DST: variants seen among roughly 807,000 people sequenced by gnomAD.
DST encodes the protein dystonin.
DST carries 253 observed loss-of-function variants against 875.2 expected under a neutral mutation model. That is an observed-to-expected ratio of 0.29 (90% CI 0.26 to 0.32). The LOEUF is 0.32. DST is among the 10% of genes least tolerant of loss of function. The probability of loss-of-function intolerance (pLI) is 1.00; values close to 1 mark genes in which losing one functional copy is unlikely to be tolerated. For synonymous variants in DST, 3,124 were observed against 3,197.1 expected (o/e 0.98, Z 0.77); for missense variants, 8,287 against 9,111.6 (o/e 0.91, Z 3.68).
chr6:56,510,755 A>T (rs2096458864), intron 73 of DST, among the ~76,000 whole-genome samples: 1 of 152,196 alleles, frequency 6.6e-6, no homozygotes. Flanking sequence ...TTGAAAAAAG[A>T]TATTTTCAGA....
intron 47 of DST, among the ~76,000 whole-genome samples, chr6:56,595,742 A>G (rs2098364582): frequency 6.6e-6 from 1 of 151,114 alleles, no homozygotes; most frequent in African/African-American, 2.5e-5. Context: ...TTTCCCACAG[A>G]CTTGTGTTTT....
chr6:56,926,391 A>T (rs2127751588), intron 2 of DST, among the ~76,000 whole-genome samples: 1 of 152,368 alleles, frequency 6.6e-6, no homozygotes, highest in African/African-American at 2.4e-5. Context: ...AGACAGACTT[A>T]TAAGTAAACA....
chr6:56,933,846 G>T, intron 2 of DST, among the ~76,000 whole-genome samples: 1 of 152,084 alleles, frequency 6.6e-6, no homozygotes, highest in East Asian at 1.9e-4. Flanking sequence ...TAAGCAAAAG[G>T]AGTGGAAGAT....
chr6:56,824,254 G>A (rs1034050899), intron 4 of DST, among the ~76,000 whole-genome samples: 16 of 152,324 alleles, frequency 1.1e-4, no homozygotes, highest in African/African-American at 2.4e-5. Flanking sequence ...CGAGTGATCC[G>A]CCAGCCTCGG....
chr6:56,720,944 C>T (rs911206289), intron 5 of DST, among the ~76,000 whole-genome samples: 2 of 152,136 alleles, frequency 1.3e-5, no homozygotes, highest in South Asian at 2.1e-4. Context: ...CAGAGGGGCC[C>T]CCCACCCCCC....
At chr6:56,621,266 T>C (rs1236785548) in intron 36 of DST, among the ~76,000 whole-genome samples, 1 of 152,134 alleles carries the variant, frequency 6.6e-6, no homozygotes, top group East Asian at 1.9e-4. Flanking sequence ...AGCACAGAAC[T>C]TTAGAACAGA....
chr6:56,890,324 G>A (rs529753442), intron 3 of DST, among the ~76,000 whole-genome samples: 1 of 152,318 alleles, frequency 6.6e-6, no homozygotes, highest in East Asian at 1.9e-4. Flanking sequence ...TTCTTATGAT[G>A]ATGATGATGA....
At chr6:56,521,475 T>TAC (rs1368271444) in intron 69 of DST, among the ~76,000 whole-genome samples, 1,293 of 76,756 alleles carry the variant, frequency 0.017, 21 homozygotes, top group African/African-American at 0.053. Context: ...ATGTCTTCCC[T>TAC]ATTTAAAAAA....
intron 2 of DST, among the ~76,000 whole-genome samples, chr6:56,916,778 T>A (rs2817576): frequency 0.074 from 6,784 of 91,222 alleles, 319 homozygotes; most frequent in African/African-American, 0.14. Flanking sequence ...TCTCTCTCTC[T>A]CACACACACA....
At chr6:56,883,126 C>T (rs547776875) in intron 3 of DST, among the ~76,000 whole-genome samples, 1 of 152,326 alleles carries the variant, frequency 6.6e-6, no homozygotes, top group South Asian at 2.1e-4. Flanking sequence ...CCTTGGCCTC[C>T]CAAAGTGCTG....
intron 52 of DST, 138 bp downstream of exon 52, chr6:56,572,609 A>T: frequency 1.6e-6 from 1 of 635,682 alleles, no homozygotes; most frequent in Admixed American, 3.5e-5. Context: ...TGAAATTCTT[A>T]AAGGAGTAAA....
At chr6:56,927,751 A>G (rs771638293) in intron 2 of DST, among the ~76,000 whole-genome samples, 6 of 152,248 alleles carry the variant, frequency 3.9e-5, no homozygotes, top group Admixed American at 1.3e-4. Context: ...TGAGTCATTC[A>G]GGATTGGGTC....
chr6:56,697,586 A>C (rs2099271021), intron 9 of DST, among the ~76,000 whole-genome samples: 1 of 152,172 alleles, frequency 6.6e-6, no homozygotes, highest in Admixed American at 6.5e-5. Flanking sequence ...AGCTCAAAGT[A>C]GTAACATGAC....
chr6:56,616,474 G>A lies in DST; in HGVS notation c.4930-1990C>T, dbSNP rs775558662. On this transcript the variant is annotated intron_variant, in intron 36 of 103. Transcript: ENST00000680361. ...AAATTCTATGTGTTTTCTTGACATT[G>A]AGATTGGAAATGTTCCTCTCCCCAA... 1.9e-6 allele frequency: 3 copies of A among 1,614,028 alleles called. No homozygotes were observed. The highest frequency in any genetic ancestry group is 2.2e-5 in the East Asian group (1 of 44,874).
In DST at chr6:56,630,257, T is replaced by C. The variant is rs546352116; in HGVS notation, c.4269A>G (p.Ile1423Met). ...IADKNNIENLISTLKQWRSEV... is the reference protein window; with the variant it reads ...IADKNNIENLMSTLKQWRSEV... Reference sequence around the variant, plus strand: ...GTGAGTCTCATACCTTTAAAGTACTTATTAGATTCTCAATATTATTCTTGT... The same window carrying C: ...GTGAGTCTCATACCTTTAAAGTACTCATTAGATTCTCAATATTATTCTTGT... The change falls in exon 31 of 104, where the codon ATA becomes ATG. Residue 1423 changes from isoleucine to methionine, a missense_variant. Transcript: ENST00000680361. The C allele has an allele frequency of 4.0e-5, 63 of 1,594,656 alleles. No individual in the cohort carries two copies. The highest frequency in any genetic ancestry group is 3.5e-4 in the Admixed American group (21 of 59,998).
In DST at chr6:56,608,731, T is replaced by C; in HGVS notation, c.5897A>G (p.Asn1966Ser). 1 of 1,610,834 alleles carries C rather than the reference T, an allele frequency of 6.2e-7. No individual in the cohort carries two copies. Among genetic ancestry groups the C allele is most frequent in the Non-Finnish European group, 8.5e-7 (1 of 1,178,408 alleles). Reference protein sequence around the residue: ...GGRITLKCGRNISILRAAHEG... With the variant: ...GGRITLKCGRSISILRAAHEG... ...ATGAGCTGCTCTTAAAATGCTTATG[T>C]TTCTTCCACATTTTAATGTTATTCT... is the stretch of plus-strand genomic sequence containing the variant. The change falls in exon 40 of 104, where the codon AAC becomes AGC. Residue 1966 changes from asparagine (N) to serine (S), a missense_variant. This residue lies in a region of DST where 3,138 missense variants were observed against 3,116.6 expected (regional missense o/e 1.01). Coordinates refer to ENST00000680361, the MANE Select transcript of DST (RefSeq NM_001374736.1).
chr6:56,501,641 T>C lies in DST; in HGVS notation c.19619A>G (p.His6540Arg). Residue 6540 changes from histidine to arginine, a missense_variant, in exon 79 of 104, where the codon CAT becomes CGT. Physicochemically the swap from His to Arg is conservative, Grantham distance 29. Transcript: ENST00000680361. The part of the protein sequence containing the change: ...QQQIEMERLN[H>R]QAELLLKKVT... ...TTTCTTTAGCAAAAGCTCTGCTTGA[T>C]GATTCAGTCTTTCCATTTCTATCTG... 6.2e-7 allele frequency: 1 copy of C among 1,609,664 alleles called. No individual in the cohort carries two copies. Among genetic ancestry groups the C allele is most frequent in the South Asian group, 1.1e-5 (1 of 90,360 alleles).
intron 13 of DST, among the ~76,000 whole-genome samples, chr6:56,647,811 G>A (rs1234908324): frequency 6.6e-6 from 1 of 151,442 alleles, no homozygotes; most frequent in Non-Finnish European, 1.5e-5. Flanking sequence ...TCAGCCTCCT[G>A]AGTAACTGGG....
intron 4 of DST, among the ~76,000 whole-genome samples, chr6:56,763,735 G>A (rs546125443): frequency 7.9e-6 from 1 of 126,212 alleles, no homozygotes; most frequent in South Asian, 2.7e-4. Flanking sequence ...ATATAGGGAT[G>A]GGTGGGGGTG....
Sources: allele counts gnomAD v4.1 joint callset (sites outside exome capture counted in the v4.1 genomes callset), GRCh38; gene constraint gnomAD v4.1.1; regional missense constraint gnomAD v4.1.1; transcripts MANE v1.5; gene names NCBI Gene and HGNC (gene_info 2026-07-23, HGNC 2026-07-21).